CLASP2: variants seen among roughly 807,000 people sequenced by gnomAD.
CLASP2 encodes the protein CLIP-associating protein 2.
A neutral mutation model predicts 194.4 loss-of-function variants in CLASP2; 47 were observed. The ratio of observed to expected loss-of-function variants is 0.24; its 90% CI spans 0.19 to 0.31. CLASP2 has a LOEUF of 0.31. Among genes scored for constraint, CLASP2 ranks in the 10% least tolerant of loss-of-function variants. The probability of loss-of-function intolerance (pLI) is 1.00; values close to 1 mark genes in which losing one functional copy is unlikely to be tolerated. For missense variants in CLASP2, 1,445 were observed against 1,823.6 expected (o/e 0.79, Z 3.78); for synonymous variants, 619 against 633.5 (o/e 0.98, Z 0.34).
At chr3:33,686,904 AAACT>A (rs887448007) in intron 5 of CLASP2, among the ~76,000 whole-genome samples, 152 bp downstream of exon 5, 132 of 152,292 alleles carry the variant, frequency 8.7e-4, no homozygotes, top group African/African-American at 3.1e-3. Context: ...ATGTTTTTAA[AAACT>A]AACTTTGATG....
intron 1 of CLASP2, among the ~76,000 whole-genome samples, chr3:33,712,566 G>C (rs761013191): frequency 6.6e-6 from 1 of 152,132 alleles, no homozygotes; most frequent in Non-Finnish European, 1.5e-5. Flanking sequence ...TAAGCTTAAT[G>C]AAACAGATGT....
In CLASP2 at chr3:33,616,895, G is replaced by A. The variant is rs1048224851; in HGVS notation, c.1317+2708C>T. Among the ~76,000 whole-genome samples the A allele has an allele frequency of 8.1e-4, 122 of 150,860 alleles. 1 individual carries two copies. The highest frequency in any genetic ancestry group is 3.3e-4 in the Admixed American group (5 of 15,166). On this transcript the variant is annotated intron_variant, in intron 12 of 38. Coordinates refer to ENST00000682230, the MANE Select transcript of CLASP2 (RefSeq NM_001365631.1). ...TGGGATTACAGGCATGCACCATCAC[G>A]CCCAGCTAATTTTTTTGTATTTTTA...
chr3:33,632,272 A>C lies in CLASP2; in HGVS notation c.942+20T>G. The C allele has an allele frequency of 6.7e-7, 1 of 1,495,488 alleles. No homozygotes were observed. The highest frequency in any genetic ancestry group is 9.1e-7 in the Non-Finnish European group (1 of 1,095,804). 92.6% of individuals were successfully genotyped at this position (1,495,488 alleles called of 1,614,324 possible). On this transcript the variant is annotated intron_variant, in intron 9 of 38. Transcript: ENST00000682230. ...AGGCACACAGGCAATATTCACGGGG[A>C]GTGCCACTGGTAGCCTTACCTGAAT...
rs1413328554 is a variant in CLASP2, at chr3:33,535,341, G to A, written c.3679C>T (p.Arg1227Cys). The A allele has an allele frequency of 7.4e-6, 12 of 1,613,834 alleles. No homozygotes were observed. Among genetic ancestry groups the A allele is most frequent in the East Asian group, 2.2e-5 (1 of 44,872 alleles). Residue 1227 changes from arginine to cysteine, a missense_variant, in exon 34 of 39, where the codon CGC becomes TGC. Transcript: ENST00000682230. The part of the protein sequence containing the change: ...LHSMPTHSSP[R>C]SRDYNPYNYS... ...TTATATGGATTATAGTCTCGAGAGC[G>A]TGGAGAGGAGTGAGTAGGCATTGAA... is the stretch of plus-strand genomic sequence containing the variant.
chr3:33,629,666 G>A (rs956281207), intron 9 of CLASP2, among the ~76,000 whole-genome samples: 1 of 151,912 alleles, frequency 6.6e-6, no homozygotes, highest in Non-Finnish European at 1.5e-5. Context: ...AAAATCATGA[G>A]CCCTAACATG....
chr3:33,714,838 T>C (rs1220760217), intron 1 of CLASP2, among the ~76,000 whole-genome samples: 1 of 152,144 alleles, frequency 6.6e-6, no homozygotes, highest in Non-Finnish European at 1.5e-5. Context: ...GCCTCCCAAG[T>C]AGCTGGGACT....
intron 26 of CLASP2, among the ~76,000 whole-genome samples, chr3:33,568,076 T>C (rs184989862): frequency 6.6e-6 from 1 of 152,338 alleles, no homozygotes; most frequent in Admixed American, 6.5e-5. Flanking sequence ...AGACATCAAA[T>C]AATTTCATCT....
At chr3:33,670,411 T>C (rs1308641051) in intron 6 of CLASP2, among the ~76,000 whole-genome samples, 1 of 152,166 alleles carries the variant, frequency 6.6e-6, no homozygotes, top group Non-Finnish European at 1.5e-5. Context: ...CTGTATGGAG[T>C]TCCTAGCTGA....
chr3:33,551,453 G>A, intron 29 of CLASP2, 58 bp from the exon 30 acceptor site: 2 of 1,501,892 alleles, frequency 1.3e-6, no homozygotes, highest in Admixed American at 2.0e-5. Flanking sequence ...AGACACTAGA[G>A]AACATTTCAA....
chr3:33,506,219 C>T (rs1441221549), intron 37 of CLASP2, among the ~76,000 whole-genome samples: 5 of 151,270 alleles, frequency 3.3e-5, no homozygotes, highest in Non-Finnish European at 7.4e-5. Flanking sequence ...CTAAAAACTA[C>T]AAAAATTAGC....
intron 2 of CLASP2, among the ~76,000 whole-genome samples, chr3:33,694,103 C>T (rs111659161): frequency 6.6e-5 from 10 of 151,848 alleles, no homozygotes; most frequent in South Asian, 4.2e-4. Flanking sequence ...GATTTCAAAA[C>T]GAAATAAGGG....
At chr3:33,504,612 G>A (rs2047638955) in intron 37 of CLASP2, 1 of 152,230 alleles carries the variant, frequency 6.6e-6, no homozygotes, top group African/African-American at 2.4e-5. Flanking sequence ...TAAGACGGTG[G>A]TCCCCAGCCT....
chr3:33,704,957 G>T (rs1433498925), intron 1 of CLASP2, among the ~76,000 whole-genome samples: 1 of 152,058 alleles, frequency 6.6e-6, no homozygotes, highest in Non-Finnish European at 1.5e-5. Flanking sequence ...AATGTAAAAT[G>T]GTGCAGCCAT....
Position 33,718,121 on chromosome 3 carries a change from G to A in CLASP2, c.-119C>T, listed in dbSNP as rs2093378893. 9.4e-7 allele frequency: 1 copy of A among 1,058,710 alleles called. No individual in the cohort carries two copies. Among genetic ancestry groups the A allele is most frequent in the Admixed American group, 4.1e-5 (1 of 24,584 alleles). 65.6% of individuals were successfully genotyped at this position (1,058,710 alleles called of 1,614,324 possible). A position where few individuals can be genotyped will look rare whatever the true frequency, so the allele number is the denominator to read the frequency against. ...GGGACTCACTTAGCCCGCCAGGGGC[G>A]CGGCTTGCGGGGCGCAGCGGGCGGC... is the stretch of plus-strand genomic sequence containing the variant. On this transcript the variant is annotated 5_prime_UTR_variant, in exon 1 of 39. Coordinates refer to ENST00000682230, the MANE Select transcript of CLASP2 (RefSeq NM_001365631.1).
chr3:33,617,523 G>C (rs988133969), intron 12 of CLASP2, among the ~76,000 whole-genome samples: 4 of 151,998 alleles, frequency 2.6e-5, no homozygotes, highest in African/African-American at 9.7e-5. Context: ...TGTGAAATTG[G>C]GAAAGTTGTT....
rs375366447 is a variant in CLASP2 at position 33,698,410 on chromosome 3, A to C, written c.196-1477T>G. 3.3e-5 allele frequency among the ~76,000 whole-genome samples: 5 copies of C among 152,298 alleles called. No homozygotes were observed. The East Asian group carries it at 5.8e-4, about 18-fold the overall frequency. On this transcript the variant is annotated intron_variant, in intron 1 of 38. Coordinates refer to ENST00000682230, the MANE Select transcript of CLASP2 (RefSeq NM_001365631.1). The stretch of plus-strand genomic sequence containing the variant: ...CCTTACCCCAAGACTCAGAACAAAA[A>C]GCTTCCTAAGACTGAAGCTAGACCA...
At chr3:33,713,424 C>T (rs1427622963) in intron 1 of CLASP2, among the ~76,000 whole-genome samples, 1 of 152,082 alleles carries the variant, frequency 6.6e-6, no homozygotes, top group Non-Finnish European at 1.5e-5. Flanking sequence ...CCTGGATGTT[C>T]ACCTATATGG....
intron 4 of CLASP2, 51 bp from the exon 5 acceptor site, chr3:33,687,186 T>A: frequency 8.9e-7 from 1 of 1,123,048 alleles, no homozygotes; most frequent in Non-Finnish European, 1.3e-6. Flanking sequence ...TAATAAACAG[T>A]AAACAAAATA....
rs755952130 is a variant in CLASP2, at chr3:33,627,041, T to C, written c.982A>G (p.Ile328Val). 2 of 1,593,612 alleles carry C rather than the reference T, an allele frequency of 1.3e-6. No homozygotes were observed. The highest frequency in any genetic ancestry group is 3.4e-5 in the Admixed American group (2 of 58,188). Residue 328 changes from isoleucine to valine, a missense_variant, in exon 10 of 39, where the codon ATC becomes GTC. Physicochemically the swap from Ile to Val is conservative, Grantham distance 29 (BLOSUM62 3). Coordinates refer to ENST00000682230, the MANE Select transcript of CLASP2 (RefSeq NM_001365631.1). ...TTATCATCTGACAAAATTTCCCTGA[T>C]TTTATTTAATGTTTCTTCGAGTTCT... ...SRELEETLNK[I>V]REILSDDKHD...
Sources: gnomAD v4.1 joint callset for allele counts (sites outside exome capture counted in the v4.1 genomes callset) on GRCh38, gnomAD v4.1.1 for gene constraint, MANE v1.5 for transcripts, NCBI Gene and HGNC (gene_info 2026-07-23, HGNC 2026-07-21) for gene names.